Variants in BMAL2 observed in about 807,000 individuals in gnomAD.
BMAL2 encodes the protein basic helix-loop-helix ARNT-like protein 2.
At chr12:27,345,188 T>C in the BMAL2 span, among the ~76,000 whole-genome samples, 1 of 152,228 alleles carries the variant, frequency 6.6e-6, no homozygotes, top group Non-Finnish European at 1.5e-5. Flanking sequence ...ATTTCCTCAA[T>C]TGGTGCAAAC....
the BMAL2 span, among the ~76,000 whole-genome samples, chr12:27,399,362 T>C: frequency 3.5e-3 from 536 of 152,172 alleles, 1 homozygote; most frequent in African/African-American, 0.012. Flanking sequence ...TATCAGCAAA[T>C]GGTGTGGCAT....
At chr12:27,372,388 C>T in the BMAL2 span, among the ~76,000 whole-genome samples, 1 of 152,156 alleles carries the variant, frequency 6.6e-6, no homozygotes. Context: ...TGTGTATACA[C>T]CATATTTGAT....
At chr12:27,357,768 C>T in the BMAL2 span, among the ~76,000 whole-genome samples, 1 of 152,108 alleles carries the variant, frequency 6.6e-6, no homozygotes, top group South Asian at 2.1e-4. Context: ...GGGGAAAGGA[C>T]ACCCTTTTAA....
At chr12:27,405,688 C>T in the BMAL2 span, among the ~76,000 whole-genome samples, 212 of 152,288 alleles carry the variant, frequency 1.4e-3, 1 homozygote, top group African/African-American at 4.8e-3. Context: ...AAAATCAGAG[C>T]GCCTTTCCTC....
the BMAL2 span, chr12:27,415,917 G>A: frequency 1.2e-6 from 2 of 1,606,860 alleles, no homozygotes; most frequent in Non-Finnish European, 1.7e-6. Context: ...CAGGTTTAAT[G>A]AAAGATACTC....
the BMAL2 span, among the ~76,000 whole-genome samples, chr12:27,359,042 A>G: frequency 6.6e-6 from 1 of 152,092 alleles, no homozygotes; most frequent in African/African-American, 2.4e-5. Flanking sequence ...ACGCATTACC[A>G]CAAACCTATA....
the BMAL2 span, among the ~76,000 whole-genome samples, chr12:27,411,111 C>T: frequency 6.6e-6 from 1 of 151,892 alleles, no homozygotes; most frequent in Admixed American, 6.6e-5. Flanking sequence ...TTGTAGTATA[C>T]AGAATAGTTA....
the BMAL2 span, among the ~76,000 whole-genome samples, chr12:27,370,634 C>G: frequency 2.0e-5 from 3 of 151,902 alleles, no homozygotes; most frequent in Non-Finnish European, 4.4e-5. Context: ...GAGACAGAGT[C>G]TCACTCTGTC....
At chr12:27,361,126 A>G in the BMAL2 span, among the ~76,000 whole-genome samples, 1 of 152,166 alleles carries the variant, frequency 6.6e-6, no homozygotes, top group Non-Finnish European at 1.5e-5. Context: ...ATGTGTGTAT[A>G]CCCAATGTGT....
the BMAL2 span, among the ~76,000 whole-genome samples, chr12:27,376,939 T>G: frequency 7.2e-6 from 1 of 139,380 alleles, no homozygotes; most frequent in African/African-American, 2.7e-5. Flanking sequence ...AGGCAGAGCT[T>G]GCAGTGAGCC....
the BMAL2 span, among the ~76,000 whole-genome samples, chr12:27,399,437 G>A: frequency 1.3e-5 from 2 of 152,142 alleles, no homozygotes; most frequent in African/African-American, 4.8e-5. Context: ...TCCTGTACCT[G>A]GTGTGACCTT....
At chr12:27,350,183 G>A in the BMAL2 span, among the ~76,000 whole-genome samples, 1 of 152,210 alleles carries the variant, frequency 6.6e-6, no homozygotes. Context: ...TAGACTCTTT[G>A]ATGCCACAGT....
the BMAL2 span, among the ~76,000 whole-genome samples, chr12:27,354,562 A>G: frequency 6.6e-6 from 1 of 152,176 alleles, no homozygotes; most frequent in African/African-American, 2.4e-5. Flanking sequence ...TATATCCCTT[A>G]AACCTAAAAT....
chr12:27,406,189 A>G, the BMAL2 span, among the ~76,000 whole-genome samples: 2 of 152,232 alleles, frequency 1.3e-5, no homozygotes, highest in Non-Finnish European at 2.9e-5. Flanking sequence ...ATCCAGGAGA[A>G]CTTCCCCAAT....
the BMAL2 span, among the ~76,000 whole-genome samples, chr12:27,352,839 G>A: frequency 2.2e-3 from 337 of 152,180 alleles, 4 homozygotes; most frequent in East Asian, 9.1e-3. Flanking sequence ...CACAATAGCC[G>A]TTAAAATAAT....
chr12:27,398,001 T>G, the BMAL2 span, among the ~76,000 whole-genome samples: 1 of 152,236 alleles, frequency 6.6e-6, no homozygotes, highest in East Asian at 1.9e-4. Flanking sequence ...CCGCCTGATC[T>G]CCTCTGGTCT....
chr12:27,368,192 T>G, the BMAL2 span: 2 of 1,543,270 alleles, frequency 1.3e-6, no homozygotes, highest in Non-Finnish European at 1.8e-6. Flanking sequence ...TTAAAATGTG[T>G]GATATGGATA....
chr12:27,360,382 T>C, the BMAL2 span, among the ~76,000 whole-genome samples: 1 of 152,112 alleles, frequency 6.6e-6, no homozygotes, highest in Non-Finnish European at 1.5e-5. Context: ...TTGTATAAGA[T>C]CTGTCAATTA....
the BMAL2 span, among the ~76,000 whole-genome samples, chr12:27,418,794 A>T: frequency 6.6e-6 from 1 of 152,136 alleles, no homozygotes; most frequent in Non-Finnish European, 1.5e-5. Context: ...CCTTGCCAAC[A>T]TGGTGAAACC....
Sources: gnomAD v4.1 joint callset for allele counts (sites outside exome capture counted in the v4.1 genomes callset) on GRCh38, gnomAD v4.1.1 for gene constraint, MANE v1.5 for transcripts, NCBI Gene and HGNC (gene_info 2026-07-23, HGNC 2026-07-21) for gene names.